Variants in XKR9 observed in about 807,000 individuals in gnomAD.
XKR9 encodes XK related 9.
A neutral mutation model predicts 32.0 loss-of-function variants in XKR9; 32 were observed. The ratio of observed to expected loss-of-function variants is 1.00; its 90% CI spans 0.76 to 1.34. The LOEUF is 1.34. XKR9 is among the 40% of genes most tolerant of loss of function. The pLI is 0.00. For missense variants in XKR9, 546 were observed against 429.7 expected, an observed-to-expected ratio of 1.27 and a Z score of -2.39; for synonymous variants, 168 against 143.4, an observed-to-expected ratio of 1.17 and a Z score of -1.22.
chr8:70,907,646 A>G, the XKR9 span, among the ~76,000 whole-genome samples: 7 of 152,358 alleles, frequency 4.6e-5, no homozygotes, highest in Middle Eastern at 3.4e-3. Context: ...ACTGTCTGCT[A>G]TTGATATTTA....
chr8:70,757,451 A>G (rs1807242805), intron 2 of XKR9, among the ~76,000 whole-genome samples: 2 of 152,096 alleles, frequency 1.3e-5, no homozygotes, highest in African/African-American at 4.8e-5. Context: ...TTGCAACTCC[A>G]GAATTTTGAT....
the XKR9 span, among the ~76,000 whole-genome samples, chr8:70,833,130 A>C: frequency 5.2e-4 from 79 of 152,314 alleles, no homozygotes; most frequent in Non-Finnish European, 9.8e-4. Flanking sequence ...TATACATCCA[A>C]GGGAGAGGGC....
At chr8:70,687,340 T>G (rs533688254) in intron 3 of XKR9, among the ~76,000 whole-genome samples, 3 of 149,292 alleles carry the variant, frequency 2.0e-5, no homozygotes, top group Non-Finnish European at 3.0e-5. Context: ...CTTTCTTTCT[T>G]TCTTTCTTTC....
downstream of XKR9, among the ~76,000 whole-genome samples, chr8:70,791,247 G>A (rs1013413491): frequency 2.6e-5 from 4 of 151,782 alleles, no homozygotes; most frequent in Non-Finnish European, 5.9e-5. Context: ...TGAGGTAGGG[G>A]GAGGATTGCT....
intron 2 of XKR9, among the ~76,000 whole-genome samples, chr8:70,767,049 CT>C (rs1807386708): frequency 6.6e-6 from 1 of 152,106 alleles, no homozygotes; most frequent in African/African-American, 2.4e-5. Flanking sequence ...GGATATTGTC[CT>C]GAAATTTTCT....
At chr8:70,897,643 C>A in the XKR9 span, among the ~76,000 whole-genome samples, 1 of 152,068 alleles carries the variant, frequency 6.6e-6, no homozygotes, top group African/African-American at 2.4e-5. Flanking sequence ...CTTTGAGCAC[C>A]TTTTCATATA....
At chr8:70,740,260 T>C (rs202190804), downstream of XKR9, among the ~76,000 whole-genome samples, 90 of 152,138 alleles carry the variant, frequency 5.9e-4, no homozygotes, top group Middle Eastern at 3.4e-3. Flanking sequence ...TTGATCGCAT[T>C]GGCTCCTGAG....
chr8:70,899,675 G>A, the XKR9 span, among the ~76,000 whole-genome samples: 1 of 152,084 alleles, frequency 6.6e-6, no homozygotes, highest in South Asian at 2.1e-4. Flanking sequence ...GTGGCAGAGA[G>A]GGGCTGTAGT....
the XKR9 span, among the ~76,000 whole-genome samples, chr8:70,974,504 G>A: frequency 6.6e-6 from 1 of 152,196 alleles, no homozygotes; most frequent in Admixed American, 6.5e-5. Context: ...TTGGTTTTCT[G>A]GCCTGGCGAT....
At chr8:70,747,420 A>G (rs1299469331) in intron 2 of XKR9, among the ~76,000 whole-genome samples, 1 of 152,234 alleles carries the variant, frequency 6.6e-6, no homozygotes, top group Admixed American at 6.5e-5. Context: ...ATAGGTTAAT[A>G]CATTAATGGG....
At chr8:71,023,765 A>G in the XKR9 span, among the ~76,000 whole-genome samples, 1 of 151,882 alleles carries the variant, frequency 6.6e-6, no homozygotes, top group Admixed American at 6.6e-5. Context: ...GCCTCCATGG[A>G]CCACTCCCAA....
At chr8:70,671,482 C>G (rs576029101) in intron 1 of XKR9, among the ~76,000 whole-genome samples, 1 of 85,576 alleles carries the variant, frequency 1.2e-5, no homozygotes, top group Admixed American at 1.1e-4. Context: ...ATCCCTCCCC[C>G]CTTCCCCGAC....
chr8:70,814,091 C>A, the XKR9 span, among the ~76,000 whole-genome samples: 1 of 152,144 alleles, frequency 6.6e-6, no homozygotes, highest in Non-Finnish European at 1.5e-5. Context: ...GGCACATATA[C>A]ACCATGGAAT....
intron 2 of XKR9, among the ~76,000 whole-genome samples, chr8:70,777,303 T>A (rs1329278469): frequency 6.6e-6 from 1 of 152,132 alleles, no homozygotes; most frequent in Non-Finnish European, 1.5e-5. Flanking sequence ...TTTTTATGGC[T>A]GCGTAGTATT....
chr8:70,877,680 A>G, the XKR9 span, among the ~76,000 whole-genome samples: 1 of 152,212 alleles, frequency 6.6e-6, no homozygotes, highest in Non-Finnish European at 1.5e-5. Context: ...CCAAATCTAC[A>G]TTTGATTGGT....
the XKR9 span, among the ~76,000 whole-genome samples, chr8:70,919,168 T>C: frequency 6.6e-6 from 1 of 152,168 alleles, no homozygotes; most frequent in South Asian, 2.1e-4. Context: ...CTGCAATTCA[T>C]AGTCTGTCTT....
intron 2 of XKR9, chr8:70,780,935 G>C (rs1807607106): frequency 6.6e-6 from 1 of 150,614 alleles, no homozygotes. Context: ...AAATTTAGCA[G>C]TGGAGAGTTG....
At chr8:70,908,411 T>C in the XKR9 span, among the ~76,000 whole-genome samples, 1 of 152,214 alleles carries the variant, frequency 6.6e-6, no homozygotes. Context: ...CAACATTGAC[T>C]ACATAAGAAG....
At chr8:70,920,000 A>G in the XKR9 span, among the ~76,000 whole-genome samples, 2 of 152,208 alleles carry the variant, frequency 1.3e-5, no homozygotes, top group African/African-American at 4.8e-5. Context: ...TATCATGGGC[A>G]TCATTTCCTT....
Sources: allele counts gnomAD v4.1 joint callset (sites outside exome capture counted in the v4.1 genomes callset), GRCh38; gene constraint gnomAD v4.1.1; transcripts MANE v1.5; gene names NCBI Gene and HGNC (gene_info 2026-07-23, HGNC 2026-07-21).